The following CAMTA1 variants were observed in gnomAD, a reference collection of about 807,000 sequenced individuals.
CAMTA1 encodes the protein calmodulin binding transcription activator 1, also known as calmodulin-binding transcription activator 1.
In CAMTA1, 27 loss-of-function variants were observed where a neutral mutation model predicts 170.9. The ratio of observed to expected loss-of-function variants is 0.16; its 90% CI spans 0.12 to 0.22. The LOEUF (loss-of-function observed/expected upper bound fraction) is 0.22, where lower values mean the gene tolerates loss of function less well. Among genes scored for constraint, CAMTA1 ranks in the 10% least tolerant of loss-of-function variants. The pLI is 1.00. For synonymous variants in CAMTA1, 833 were observed against 891.5 expected, an observed-to-expected ratio of 0.93 and a Z score of 1.17; for missense variants, 1,619 against 2,217.2, an observed-to-expected ratio of 0.73 and a Z score of 5.42.
chr1:7,432,779 A>G (rs1340195330), intron 5 of CAMTA1, among the ~76,000 whole-genome samples: 3 of 152,160 alleles, frequency 2.0e-5, no homozygotes, highest in Non-Finnish European at 2.9e-5. Flanking sequence ...ATCTCCTGTT[A>G]TCTCTATTCA....
chr1:7,498,205 T>TGA (rs1557817353), intron 6 of CAMTA1, among the ~76,000 whole-genome samples: 9 of 151,756 alleles, frequency 5.9e-5, no homozygotes, highest in African/African-American at 2.2e-4. Flanking sequence ...TGTGTGTGTG[T>TGA]GACAGTGTGG....
chr1:7,232,576 C>T (rs144111261), intron 4 of CAMTA1, among the ~76,000 whole-genome samples: 370 of 152,184 alleles, frequency 2.4e-3, no homozygotes, highest in Middle Eastern at 6.8e-3. Context: ...CCCTGAGGAC[C>T]AGGGCACACC....
chr1:7,254,849 A>T (rs1387207746), intron 5 of CAMTA1, among the ~76,000 whole-genome samples: 3 of 152,250 alleles, frequency 2.0e-5, no homozygotes, highest in Non-Finnish European at 2.9e-5. Flanking sequence ...ATAGCCAGCC[A>T]TGAACATGTA....
chr1:7,106,305 G>C (rs1643585348), intron 4 of CAMTA1, among the ~76,000 whole-genome samples: 1 of 151,876 alleles, frequency 6.6e-6, no homozygotes, highest in Non-Finnish European at 1.5e-5. Flanking sequence ...GGAGGAGGAG[G>C]AGACGAAAGA....
chr1:7,304,086 G>C (rs1261819125), intron 5 of CAMTA1, among the ~76,000 whole-genome samples: 1 of 152,098 alleles, frequency 6.6e-6, no homozygotes, highest in Non-Finnish European at 1.5e-5. Context: ...AAGAGTTATT[G>C]CTTAAAGGAG....
chr1:6,963,008 C>G (rs1446626110), intron 3 of CAMTA1, among the ~76,000 whole-genome samples: 2 of 151,584 alleles, frequency 1.3e-5, no homozygotes, highest in African/African-American at 4.8e-5. Context: ...ACCTTCCACC[C>G]TGGCCCCGCC....
In CAMTA1 at chr1:7,600,152, G is replaced by C. The variant is rs1010887344; in HGVS notation, c.511-40248G>C. On this transcript the variant is annotated intron_variant, in intron 6 of 22. Transcript: ENST00000303635. ...TTTATTGAGAGTTTTCAGCATGAAG[G>C]GTTGTTGAATTTTGTCAAAGGCCTT... 4.0e-4 allele frequency among the ~76,000 whole-genome samples: 59 copies of C among 146,816 alleles called. 1 individual carries two copies. The highest frequency in any genetic ancestry group is 1.2e-3 in the East Asian group (6 of 5,184).
At chr1:7,677,840 A>G in intron 11 of CAMTA1, 107 bp downstream of exon 11, 2 of 1,348,034 alleles carry the variant, frequency 1.5e-6, no homozygotes, top group Non-Finnish European at 1.0e-6. Context: ...AGGGGCAGGA[A>G]GTGGTGCCAA....
At chr1:7,378,332 A>G (rs541941488) in intron 5 of CAMTA1, among the ~76,000 whole-genome samples, 18 of 152,350 alleles carry the variant, frequency 1.2e-4, no homozygotes, top group African/African-American at 3.8e-4. Context: ...TTACATAATC[A>G]GAGTAGCCAA....
chr1:7,293,154 G>A lies in CAMTA1; in HGVS notation c.438+43528G>A, dbSNP rs960014090. ...CTACTGCTTTCCAGTGGACAGGGAC[G>A]GGGTGGGGCTGCCTTCCTGGGAAGG... is the stretch of plus-strand genomic sequence containing the variant. On this transcript the variant is annotated intron_variant, in intron 5 of 22. Coordinates refer to ENST00000303635, the MANE Select transcript of CAMTA1 (RefSeq NM_015215.4). The surrounding 1 kb of genome is among the most constrained non-coding windows in gnomAD (Gnocchi z 4.1). 2.0e-5 allele frequency among the ~76,000 whole-genome samples: 3 copies of A among 152,178 alleles called. No homozygotes were observed. Among genetic ancestry groups the A allele is most frequent in the African/African-American group, 4.8e-5 (2 of 41,436 alleles).
intron 4 of CAMTA1, among the ~76,000 whole-genome samples, chr1:7,241,391 C>G (rs1029751628): frequency 1.3e-5 from 2 of 152,210 alleles, no homozygotes; most frequent in Non-Finnish European, 2.9e-5. Flanking sequence ...TTTCTAGATT[C>G]AGTACAACTC....
intron 11 of CAMTA1, among the ~76,000 whole-genome samples, chr1:7,719,430 G>T (rs1241696555): frequency 1.3e-5 from 2 of 152,208 alleles, no homozygotes; most frequent in African/African-American, 4.8e-5. Context: ...TTCTGAACAA[G>T]TCCAAGACTG....
At chr1:7,374,610 A>G (rs1574989189) in intron 5 of CAMTA1, among the ~76,000 whole-genome samples, 1 of 152,302 alleles carries the variant, frequency 6.6e-6, no homozygotes, top group Non-Finnish European at 1.5e-5. Flanking sequence ...TGCCACACCT[A>G]TTGGTGGATG....
chr1:7,732,542 C>CGGAGGCGGCAGCAGT lies in CAMTA1; in HGVS notation c.3022_3036dup (p.Ser1008_Ser1012dup), dbSNP rs746127063. The stretch of plus-strand genomic sequence containing the variant: ...GGTCCCAGCAGCACAAACAGGCGAG[C>CGGAGGCGGCAGCAGT]GGAGGCGGCAGCAGTGGAGGCGGCA... On this transcript the variant is annotated inframe_insertion, in exon 12 of 23. Transcript: ENST00000303635. This position sits in a 1 kb window ranked among gnomAD's most constrained non-coding sequence, Gnocchi z 4.1. 1.5e-5 allele frequency: 25 copies of CGGAGGCGGCAGCAGT among 1,613,222 alleles called. No individual in the cohort carries two copies. The highest frequency in any genetic ancestry group is 7.7e-5 in the South Asian group (7 of 90,974).
intron 11 of CAMTA1, among the ~76,000 whole-genome samples, chr1:7,729,502 G>A (rs1217413344): frequency 1.3e-5 from 2 of 152,232 alleles, no homozygotes; most frequent in African/African-American, 2.4e-5. Flanking sequence ...CTGAAGTGAG[G>A]ACTGAACTGC....
chr1:7,668,810 G>C (rs192611701), intron 9 of CAMTA1, among the ~76,000 whole-genome samples: 1 of 152,200 alleles, frequency 6.6e-6, no homozygotes, highest in Non-Finnish European at 1.5e-5. Context: ...GCTAGCAGCT[G>C]TTGATTGCGG....
chr1:7,510,339 C>T (rs1331293016), intron 6 of CAMTA1, among the ~76,000 whole-genome samples: 3 of 144,978 alleles, frequency 2.1e-5, no homozygotes, highest in African/African-American at 4.9e-5. Flanking sequence ...TTTTGTTCAG[C>T]GATTCCCAGG....
intron 6 of CAMTA1, among the ~76,000 whole-genome samples, chr1:7,529,299 T>C (rs928416115): frequency 3.9e-5 from 6 of 151,932 alleles, no homozygotes; most frequent in Admixed American, 2.6e-4. Context: ...CCTGCTTCTC[T>C]GCATGGCATG....
At chr1:6,882,834 A>G (rs1368902569) in intron 3 of CAMTA1, among the ~76,000 whole-genome samples, 1 of 152,140 alleles carries the variant, frequency 6.6e-6, no homozygotes, top group African/African-American at 2.4e-5. Flanking sequence ...GTTAAGGGGA[A>G]GCGGGTAGAA....
Sources: gnomAD v4.1 joint callset for allele counts (sites outside exome capture counted in the v4.1 genomes callset) on GRCh38, gnomAD v4.1.1 for gene constraint, Gnocchi (gnomAD v3.1) non-coding constraint, MANE v1.5 for transcripts, NCBI Gene and HGNC (gene_info 2026-07-23, HGNC 2026-07-21) for gene names.